The following DNAH10 variants were observed in gnomAD, a reference collection of about 807,000 sequenced individuals.
DNAH10 encodes the protein axonemal beta dynein heavy chain 10.
Under a neutral mutation model 506.6 loss-of-function variants are expected in DNAH10, and 348 were observed. The observed-to-expected ratio is 0.69, with a 90% confidence interval of 0.63 to 0.75. The LOEUF is 0.75. Among genes scored for constraint, DNAH10 ranks in the 30% least tolerant of loss-of-function variants. The pLI is 0.00. For missense variants in DNAH10, 5,179 were observed against 5,787.1 expected, an observed-to-expected ratio of 0.89 and a Z score of 3.41; for synonymous variants, 2,059 against 2,198.6, an observed-to-expected ratio of 0.94 and a Z score of 1.78.
At chr12:123,859,910 A>G (rs1008728954) in intron 38 of DNAH10, among the ~76,000 whole-genome samples, 59 of 152,024 alleles carry the variant, frequency 3.9e-4, no homozygotes, top group Admixed American at 9.8e-4. Context: ...GTGCACCTGT[A>G]GTACAGCTAC....
intron 19 of DNAH10, 27 bp from the exon 20 acceptor site, chr12:123,813,137 C>G (rs373933132): frequency 1.3e-5 from 21 of 1,560,008 alleles, no homozygotes; most frequent in Non-Finnish European, 1.8e-5. Flanking sequence ...AAAATACTGT[C>G]TTTTCTCCTA....
chr12:123,827,402 A>G (rs986051934), intron 25 of DNAH10, among the ~76,000 whole-genome samples: 1 of 152,236 alleles, frequency 6.6e-6, no homozygotes, highest in African/African-American at 2.4e-5. Flanking sequence ...TCAAAGTGCA[A>G]TGTGTATTTT....
At chr12:123,873,322 G>T (rs1488053228) in intron 45 of DNAH10, among the ~76,000 whole-genome samples, 2 of 152,180 alleles carry the variant, frequency 1.3e-5, no homozygotes, top group African/African-American at 4.8e-5. Flanking sequence ...ATGCCACATT[G>T]TCCCCAAGGC....
intron 52 of DNAH10, among the ~76,000 whole-genome samples, chr12:123,890,918 C>T (rs1952954121): frequency 6.6e-6 from 1 of 152,080 alleles, no homozygotes; most frequent in African/African-American, 2.4e-5. Flanking sequence ...GCATTAGGAG[C>T]GTGTTGAGTT....
intron 26 of DNAH10, 33 bp downstream of exon 26, chr12:123,830,732 A>G (rs1960456963): frequency 6.4e-7 from 1 of 1,562,650 alleles, no homozygotes; most frequent in Non-Finnish European, 8.6e-7. Context: ...GCTGGAGAAA[A>G]CAGTCTTTTT....
Position 123,881,783 on chromosome 12 carries a change from G to T in DNAH10, c.8793G>T (p.Ser2931=). 6.6e-7 allele frequency: 1 copy of T among 1,518,234 alleles called. No homozygotes were observed. Among genetic ancestry groups the T allele is most frequent in the Admixed American group, 2.4e-5 (1 of 41,816 alleles). 94.0% of individuals were successfully genotyped at this position (1,518,234 alleles called of 1,614,324 possible). The stretch of plus-strand genomic sequence containing the variant: ...GGGGCTCAGGGAAGCAGTCTCTTTC[G>T]AGGCTGGCTGCCTTCACAGCCAGCT... ...GVGGSGKQSL[S]RLAAFTASCE... The change falls in exon 51 of 79, where the codon TCG becomes TCT. Residue 2931 remains serine, a synonymous_variant. Coordinates refer to ENST00000673944, the MANE Select transcript of DNAH10 (RefSeq NM_001372106.1).
At chr12:123,847,866 A>T in intron 32 of DNAH10, 95 bp from the exon 33 acceptor site, 1 of 1,481,230 alleles carries the variant, frequency 6.8e-7, no homozygotes. Context: ...TTCTTTCTCT[A>T]TTCTGCACCT....
chr12:123,812,463 AAAAC>A (rs544378859), intron 19 of DNAH10, among the ~76,000 whole-genome samples: 4 of 152,160 alleles, frequency 2.6e-5, no homozygotes, highest in South Asian at 2.1e-4. Context: ...AAAAAACAAC[AAAAC>A]AAACAAACAA....
Position 123,935,385 on chromosome 12 carries a change from G to A in DNAH10, c.13674G>A (p.Met4558Ile), listed in dbSNP as rs755315454. 14 of 1,611,794 alleles carry A rather than the reference G, an allele frequency of 8.7e-6. No homozygotes were observed. In the Admixed American group the frequency reaches 2.3e-4, roughly 27 times the overall value. Residue 4558 changes from methionine (M) to isoleucine (I), a missense_variant, in exon 79 of 79, where the codon ATG becomes ATA. Around this residue, in one of 3 missense-constraint regions of DNAH10, gnomAD observed 4,844 missense variants for 5,430.5 expected, o/e 0.89. Coordinates refer to ENST00000673944, the MANE Select transcript of DNAH10 (RefSeq NM_001372106.1). ...CCACCTCCATGAGAAGGAACGCCAT[G>A]GGAGTCGGCTTGGTTTTTGAAGCTG... is the stretch of plus-strand genomic sequence containing the variant. ...VYTTSMRRNA[M>I]GVGLVFEADL...
At chr12:123,899,198 G>A (rs1437704210) in intron 56 of DNAH10, among the ~76,000 whole-genome samples, 1 of 152,148 alleles carries the variant, frequency 6.6e-6, no homozygotes, top group African/African-American at 2.4e-5. Context: ...TCTTGAAGCT[G>A]TTTCAAGGTT....
chr12:123,772,880 G>C lies in DNAH10; in HGVS notation c.443G>C (p.Cys148Ser), dbSNP rs1957306787. 3.1e-6 allele frequency: 5 copies of C among 1,612,912 alleles called. No homozygotes were observed. Among genetic ancestry groups the C allele is most frequent in the Non-Finnish European group, 3.4e-6 (4 of 1,179,544 alleles). ...GAAAAGATGCATCTCCACATGCTCT[G>C]TACCCCTCTTCCCGAGGAGTTCCTG... Reference protein sequence around the residue: ...IMEKMHLHMLCTPLPEEFLDQ... With the variant: ...IMEKMHLHMLSTPLPEEFLDQ... The change falls in exon 4 of 79, where the codon TGT becomes TCT. Residue 148 changes from cysteine (C) to serine (S), a missense_variant. Cys to Ser is a moderately radical substitution (Grantham distance 112, BLOSUM62 -1). Transcript: ENST00000673944.
chr12:123,835,263 A>C (rs1296473418), intron 27 of DNAH10, 143 bp from the exon 28 acceptor site: 1 of 837,640 alleles, frequency 1.2e-6, no homozygotes, highest in Non-Finnish European at 1.8e-6. Flanking sequence ...CTGGCCATGC[A>C]GATGCTCACT....
Position 123,830,692 on chromosome 12 carries a change from T to G in DNAH10, c.4538T>G (p.Ile1513Ser). The change falls in exon 26 of 79, where the codon ATT (isoleucine) becomes AGT (serine). Residue 1513 changes from isoleucine (I) to serine (S), a missense_variant. Ile to Ser is a moderately radical substitution (Grantham distance 142). Transcript: ENST00000673944. The part of the protein sequence containing the change: ...IVTAAIKEVA[I>S]EKAVKEILDT... ...ACAGCAGCAATCAAGGAGGTTGCCA[T>G]TGAGAAGGTAAGACTTCAGTTAAAA... 1 of 1,609,454 alleles carries G rather than the reference T, an allele frequency of 6.2e-7. No individual in the cohort carries two copies.
chr12:123,762,363 G>A lies in DNAH10; in HGVS notation c.27G>A (p.Met9Ile), dbSNP rs116918834. Residue 9 changes from methionine (M) to isoleucine (I), a missense_variant, in exon 1 of 79, where the codon ATG becomes ATA. Met to Ile is a conservative substitution (Grantham distance 10). Transcript: ENST00000673944. The surrounding 1 kb of genome is among the most constrained non-coding windows in gnomAD (Gnocchi z 5.0). Reference protein sequence around the residue: MDDLRVLWMRDRVYAAFGI... With the variant: MDDLRVLWIRDRVYAAFGI... Reference sequence around the variant, plus strand: ...TGGACGACCTGCGGGTGCTGTGGATGCGCGACCGCGTGTATGCGGCTTTCG... The same window carrying A: ...TGGACGACCTGCGGGTGCTGTGGATACGCGACCGCGTGTATGCGGCTTTCG... The A allele has an allele frequency of 0.068, 92,699 of 1,364,668 alleles. 3,436 individuals carry two copies. Among genetic ancestry groups the A allele is most frequent in the Non-Finnish European group, 0.077 (80,836 of 1,055,710 alleles). The allele number at this position is 1,364,668 out of a possible 1,614,324, so 84.5% of individuals were successfully genotyped here.
At chr12:123,807,345 A>G (rs978829588) in intron 18 of DNAH10, among the ~76,000 whole-genome samples, 4 of 152,202 alleles carry the variant, frequency 2.6e-5, no homozygotes, top group Non-Finnish European at 5.9e-5. Context: ...GGCAGGACAC[A>G]GGGAAACAGA....
chr12:123,916,768 C>T lies in DNAH10; in HGVS notation c.11002+32C>T. The T allele has an allele frequency of 1.9e-6, 3 of 1,578,498 alleles. No individual in the cohort carries two copies. The highest frequency in any genetic ancestry group is 2.6e-6 in the Non-Finnish European group (3 of 1,163,028). On this transcript the variant is annotated intron_variant, in intron 63 of 78. Coordinates refer to ENST00000673944, the MANE Select transcript of DNAH10 (RefSeq NM_001372106.1). The surrounding 1 kb of genome is among the most constrained non-coding windows in gnomAD (Gnocchi z 4.6). ...ATGTGTAGAACCTCCACTGCTAATT[C>T]AGATGGTTATGAGGGAGACCGCAAC...
intron 51 of DNAH10, among the ~76,000 whole-genome samples, chr12:123,882,563 C>T (rs955643113): frequency 6.6e-6 from 1 of 151,942 alleles, no homozygotes; most frequent in African/African-American, 2.4e-5. Context: ...GAGGCCAAGG[C>T]GGGTGGATCA....
chr12:123,935,679 G>A lies in DNAH10; in HGVS notation c.*198G>A. 1 of 487,504 alleles carries A rather than the reference G, an allele frequency of 2.1e-6. No homozygotes were observed. Among genetic ancestry groups the A allele is most frequent in the East Asian group, 3.1e-5 (1 of 32,786 alleles). 30.2% of individuals were successfully genotyped at this position (487,504 alleles called of 1,614,324 possible). A position where few individuals can be genotyped will look rare whatever the true frequency, so the allele number is the denominator to read the frequency against. ...TGTTTTTAATACTACTTTTTAAAAG[G>A]AATTTATATAATCAAAAAGTAAATA... On this transcript the variant is annotated 3_prime_UTR_variant, in exon 79 of 79. Coordinates refer to ENST00000673944, the MANE Select transcript of DNAH10 (RefSeq NM_001372106.1).
intron 10 of DNAH10, among the ~76,000 whole-genome samples, chr12:123,789,530 T>G (rs1957999700): frequency 6.6e-6 from 1 of 152,074 alleles, no homozygotes; most frequent in Non-Finnish European, 1.5e-5. Flanking sequence ...ATTACAGGCA[T>G]GCACCACCAC....
Sources: gnomAD v4.1 joint callset for allele counts (sites outside exome capture counted in the v4.1 genomes callset) on GRCh38, gnomAD v4.1.1 for gene constraint, gnomAD v4.1.1 regional missense constraint, Gnocchi (gnomAD v3.1) non-coding constraint, MANE v1.5 for transcripts, NCBI Gene and HGNC (gene_info 2026-07-23, HGNC 2026-07-21) for gene names.